The following MRTFB variants were observed in gnomAD, a reference collection of about 807,000 sequenced individuals.
MRTFB encodes myocardin related transcription factor B.
Under a neutral mutation model 104.2 loss-of-function variants are expected in MRTFB, and 29 were observed. The observed-to-expected ratio is 0.28, with a 90% CI of 0.21 to 0.38. MRTFB has a LOEUF of 0.38. MRTFB is among the 10% of genes least tolerant of loss of function. The probability of loss-of-function intolerance (pLI) is 1.00; values close to 1 mark genes in which losing one functional copy is unlikely to be tolerated. For synonymous variants in MRTFB, 535 were observed against 519.5 expected (o/e 1.03, Z -0.41); for missense variants, 1,270 against 1,341.6 (o/e 0.95, Z 0.83).
chr16:14,218,268 C>G (rs1421057964), intron 7 of MRTFB, among the ~76,000 whole-genome samples: 1 of 152,056 alleles, frequency 6.6e-6, no homozygotes, highest in Non-Finnish European at 1.5e-5. Flanking sequence ...ACCGCGCTAG[C>G]CAGGATGGTC....
At chr16:14,010,551 T>G in the MRTFB span, among the ~76,000 whole-genome samples, 1 of 152,162 alleles carries the variant, frequency 6.6e-6, no homozygotes, top group Non-Finnish European at 1.5e-5. Context: ...TCCTCCCACT[T>G]CAGCTTCCCA....
chr16:14,190,295 C>T (rs1288567401), intron 3 of MRTFB, among the ~76,000 whole-genome samples: 1 of 152,198 alleles, frequency 6.6e-6, no homozygotes, highest in Non-Finnish European at 1.5e-5. Context: ...TTTAACTTGT[C>T]TACAAACGGC....
intron 10 of MRTFB, 98 bp downstream of exon 10, chr16:14,240,582 G>A (rs1407599824): frequency 1.3e-6 from 2 of 1,571,928 alleles, no homozygotes; most frequent in Admixed American, 3.3e-5. Flanking sequence ...ATTTATTTGT[G>A]CTCAGTAATG....
intron 8 of MRTFB, among the ~76,000 whole-genome samples, chr16:14,224,702 G>A (rs4780557): frequency 0.028 from 4,288 of 152,162 alleles, 72 homozygotes; most frequent in Middle Eastern, 0.085. Context: ...GGTGAAAGAA[G>A]AAAACAGTCA....
chr16:14,199,550 C>A (rs2040589509), intron 3 of MRTFB, among the ~76,000 whole-genome samples: 1 of 152,194 alleles, frequency 6.6e-6, no homozygotes. Context: ...AGTAAATGGT[C>A]TACCCAGGTG....
At chr16:14,023,766 A>C in the MRTFB span, among the ~76,000 whole-genome samples, 1 of 152,048 alleles carries the variant, frequency 6.6e-6, no homozygotes, top group Non-Finnish European at 1.5e-5. Flanking sequence ...TGCCTGGCAC[A>C]AGGGCTGGGC....
At chr16:14,127,935 T>A (rs1260184598) in intron 2 of MRTFB, among the ~76,000 whole-genome samples, 451 of 64,558 alleles carry the variant, frequency 7.0e-3, no homozygotes, top group South Asian at 0.02. Context: ...ATATATTTTT[T>A]TTTTTTTTTT....
intron 2 of MRTFB, among the ~76,000 whole-genome samples, chr16:14,099,795 G>A (rs541804029): frequency 3.5e-4 from 53 of 151,994 alleles, no homozygotes; most frequent in Admixed American, 9.8e-4. Context: ...AGCCTCCCAG[G>A]TAGCTGGGAT....
chr16:14,176,691 C>T (rs910150037), intron 3 of MRTFB, among the ~76,000 whole-genome samples: 2 of 152,200 alleles, frequency 1.3e-5, no homozygotes, highest in Admixed American at 6.5e-5. Context: ...GTGACTTAAC[C>T]TCTCATTGCC....
chr16:14,022,638 T>A, the MRTFB span, among the ~76,000 whole-genome samples: 2 of 152,138 alleles, frequency 1.3e-5, no homozygotes, highest in Non-Finnish European at 2.9e-5. Context: ...TCTCTTGACC[T>A]TGTGATCCAC....
intron 2 of MRTFB, among the ~76,000 whole-genome samples, chr16:14,089,028 C>T (rs1269432815): frequency 6.6e-6 from 1 of 151,972 alleles, no homozygotes; most frequent in Non-Finnish European, 1.5e-5. Context: ...AAATTATTTC[C>T]TCATTTGAAC....
At chr16:14,113,149 T>C (rs1463470462) in intron 2 of MRTFB, among the ~76,000 whole-genome samples, 5 of 152,160 alleles carry the variant, frequency 3.3e-5, no homozygotes, top group African/African-American at 1.2e-4. Flanking sequence ...GTTCAAGCCA[T>C]TCTCTCACCT....
chr16:14,197,960 A>G (rs1375983598), intron 3 of MRTFB, among the ~76,000 whole-genome samples: 2 of 152,212 alleles, frequency 1.3e-5, no homozygotes, highest in African/African-American at 4.8e-5. Flanking sequence ...TTCACATAAC[A>G]TAAAATTAAC....
intron 2 of MRTFB, among the ~76,000 whole-genome samples, chr16:14,079,950 CT>C (rs1484386466): frequency 6.6e-6 from 1 of 151,926 alleles, no homozygotes; most frequent in Non-Finnish European, 1.5e-5. Flanking sequence ...ATATAGTAGT[CT>C]TTTTTAATGG....
chr16:14,076,981 G>A (rs920133616), intron 1 of MRTFB, among the ~76,000 whole-genome samples: 6 of 151,974 alleles, frequency 3.9e-5, no homozygotes, highest in African/African-American at 1.4e-4. Flanking sequence ...CTTTTGGATT[G>A]CTTTTTCTTA....
chr16:14,238,289 A>G (rs2042611465), intron 9 of MRTFB, among the ~76,000 whole-genome samples: 1 of 152,114 alleles, frequency 6.6e-6, no homozygotes, highest in African/African-American at 2.4e-5. Flanking sequence ...GCAGAAGGAG[A>G]CAGAATTAGG....
intron 2 of MRTFB, among the ~76,000 whole-genome samples, chr16:14,128,399 A>G (rs2037264820): frequency 6.6e-6 from 1 of 152,170 alleles, no homozygotes; most frequent in Non-Finnish European, 1.5e-5. Context: ...CATTCCTGGA[A>G]GACAACTGAA....
At chr16:14,204,093 T>C (rs2040837495) in intron 3 of MRTFB, among the ~76,000 whole-genome samples, 1 of 152,064 alleles carries the variant, frequency 6.6e-6, no homozygotes, top group African/African-American at 2.4e-5. Context: ...GCCTCCCAAG[T>C]AGCTGGGACT....
Position 14,261,502 on chromosome 16 carries a change from G to A in MRTFB, c.*58G>A. 6.7e-7 allele frequency: 1 copy of A among 1,482,382 alleles called. No homozygotes were observed. Among genetic ancestry groups the A allele is most frequent in the Non-Finnish European group, 9.1e-7 (1 of 1,100,818 alleles). 91.8% of individuals were successfully genotyped at this position (1,482,382 alleles called of 1,614,324 possible). A position where few individuals can be genotyped will look rare whatever the true frequency, so the allele number is the denominator to read the frequency against. On this transcript the variant is annotated 3_prime_UTR_variant, in exon 17 of 17. Coordinates refer to ENST00000571589, the MANE Select transcript of MRTFB (RefSeq NM_001308142.2). The stretch of plus-strand genomic sequence containing the variant: ...GTTTAAGAACATGAAGATTCTAAAA[G>A]GTCAGTTTTTAGAGATAGATCTATA...
Sources: gnomAD v4.1 joint callset for allele counts (sites outside exome capture counted in the v4.1 genomes callset) on GRCh38, gnomAD v4.1.1 for gene constraint, MANE v1.5 for transcripts, NCBI Gene and HGNC (gene_info 2026-07-23, HGNC 2026-07-21) for gene names.